Variants in ASB5 observed in about 807,000 individuals in gnomAD.
The protein encoded by ASB5 is ankyrin repeat and SOCS box protein 5.
ASB5 carries 45 observed loss-of-function variants against 42.1 expected under a neutral mutation model. That is an observed-to-expected ratio of 1.07 (90% CI 0.84 to 1.37). The LOEUF (loss-of-function observed/expected upper bound fraction) is 1.37. ASB5 is among the 40% of genes most tolerant of loss of function. The pLI, the probability that ASB5 is intolerant of heterozygous loss-of-function variation, is 0.00. For synonymous variants in ASB5, 147 were observed against 150.6 expected (o/e 0.98, Z 0.18); for missense variants, 402 against 399.8 (o/e 1.01, Z -0.05).
rs534298853 is a variant in ASB5 at position 176,267,522 on chromosome 4, G to A, written c.196+1391C>T. Among the ~76,000 whole-genome samples, 4 of 152,202 alleles carry A rather than the reference G, an allele frequency of 2.6e-5. No individual in the cohort carries two copies. The East Asian group carries it at 7.7e-4, about 29-fold the overall frequency. On this transcript the variant is annotated intron_variant, in intron 1 of 6. Coordinates refer to ENST00000296525, the MANE Select transcript of ASB5 (RefSeq NM_080874.4). Reference sequence around the variant, plus strand: ...CCTAGCTACTTAGGAGGCTAAGGCAGGATGATCCCTTGAGCCTAGGAGTTC... The same window carrying A: ...CCTAGCTACTTAGGAGGCTAAGGCAAGATGATCCCTTGAGCCTAGGAGTTC...
intron 2 of ASB5, among the ~76,000 whole-genome samples, chr4:176,274,709 T>C (rs1754534205): frequency 6.6e-6 from 1 of 152,156 alleles, no homozygotes. Flanking sequence ...AGTATGTCAC[T>C]GGGCCAAAGC....
chr4:176,253,699 C>T (rs913003182), intron 1 of ASB5, among the ~76,000 whole-genome samples: 2 of 152,136 alleles, frequency 1.3e-5, no homozygotes, highest in Non-Finnish European at 2.9e-5. Flanking sequence ...TTTCAGGATA[C>T]AAAATTAATG....
intron 1 of ASB5, among the ~76,000 whole-genome samples, chr4:176,245,053 A>G (rs1186821287): frequency 6.6e-6 from 1 of 152,218 alleles, no homozygotes; most frequent in Non-Finnish European, 1.5e-5. Flanking sequence ...GCTCTTCAGG[A>G]GTTCCCAGAT....
At chr4:176,249,932 A>G (rs1971215) in intron 1 of ASB5, among the ~76,000 whole-genome samples, 101,261 of 150,826 alleles carry the variant, frequency 0.67, 34,195 homozygotes, top group Middle Eastern at 0.72. Context: ...GGGCGTGGTG[A>G]CGGGCGCCTG....
At chr4:176,251,564 T>TAAAAAAAAAA (rs34392287) in intron 1 of ASB5, among the ~76,000 whole-genome samples, 3 of 10,376 alleles carry the variant, frequency 2.9e-4, no homozygotes, top group African/African-American at 1.2e-3. Flanking sequence ...TCTGTCTCAT[T>TAAAAAAAAAA]AAAAAAAAAA....
chr4:176,276,875 A>G (rs1011693884), intron 1 of ASB5, among the ~76,000 whole-genome samples: 1 of 152,184 alleles, frequency 6.6e-6, no homozygotes, highest in Non-Finnish European at 1.5e-5. Context: ...TAAAGCCTCG[A>G]CATTTGCTCT....
At chr4:176,220,253 A>C (rs1320170307) in intron 5 of ASB5, among the ~76,000 whole-genome samples, 1 of 152,110 alleles carries the variant, frequency 6.6e-6, no homozygotes, top group African/African-American at 2.4e-5. Context: ...CATGTCTAAG[A>C]CTGAGTAGGT....
chr4:176,275,989 T>C (rs1209371907), intron 1 of ASB5: 1 of 152,220 alleles, frequency 6.6e-6, no homozygotes, highest in Non-Finnish European at 1.5e-5. Context: ...GTGAAAAGGA[T>C]ACTACATATT....
At chr4:176,234,561 C>T (rs1288652755) in intron 1 of ASB5, among the ~76,000 whole-genome samples, 2 of 152,282 alleles carry the variant, frequency 1.3e-5, no homozygotes, top group Non-Finnish European at 2.9e-5. Context: ...GAATGCTAGA[C>T]CTTAGAAAGC....
At chr4:176,277,015 G>A (rs1023870630) in intron 1 of ASB5, among the ~76,000 whole-genome samples, 2 of 152,146 alleles carry the variant, frequency 1.3e-5, no homozygotes, top group African/African-American at 4.8e-5. Context: ...TGTGAACTCA[G>A]GCAAGTTCCT....
At chr4:176,237,329 T>G (rs192858320) in intron 1 of ASB5, 1 of 985,900 alleles carries the variant, frequency 1.0e-6, no homozygotes, top group East Asian at 1.1e-4. Context: ...AGCTTTTCGT[T>G]TAGAAGAACA....
chr4:176,236,033 TA>T (rs1256408057), intron 1 of ASB5, among the ~76,000 whole-genome samples: 4 of 152,110 alleles, frequency 2.6e-5, no homozygotes, highest in Admixed American at 6.5e-5. Flanking sequence ...TCAGTATATT[TA>T]AGGCATGTCG....
chr4:176,250,033 C>G (rs1053651750), intron 1 of ASB5, among the ~76,000 whole-genome samples: 5 of 150,064 alleles, frequency 3.3e-5, no homozygotes, highest in Admixed American at 3.3e-4. Context: ...CCACTGCACT[C>G]CAGCCTGGGT....
intron 1 of ASB5, among the ~76,000 whole-genome samples, chr4:176,242,818 C>T (rs1753836656): frequency 6.6e-6 from 1 of 152,058 alleles, no homozygotes; most frequent in South Asian, 2.1e-4. Context: ...CTATGAGTTA[C>T]TTTAAAATAT....
chr4:176,262,095 T>G (rs1215805287), intron 1 of ASB5, among the ~76,000 whole-genome samples: 1 of 151,912 alleles, frequency 6.6e-6, no homozygotes, highest in Non-Finnish European at 1.5e-5. Context: ...ATAAGAAAAA[T>G]AGCTTATTTT....
intron 5 of ASB5, among the ~76,000 whole-genome samples, chr4:176,220,527 C>T (rs1051484275): frequency 3.9e-5 from 6 of 152,062 alleles, no homozygotes; most frequent in African/African-American, 1.4e-4. Flanking sequence ...TGATCCAAAT[C>T]GTAAGGGGAC....
At chr4:176,270,482 AT>A (rs2126981412), upstream of ASB5, among the ~76,000 whole-genome samples, 2 of 152,310 alleles carry the variant, frequency 1.3e-5, no homozygotes, top group South Asian at 4.1e-4. Flanking sequence ...AATATGTCAA[AT>A]AAAGCAGGCT....
At chr4:176,231,834 G>A (rs1344108052) in intron 1 of ASB5, among the ~76,000 whole-genome samples, 1 of 75,714 alleles carries the variant, frequency 1.3e-5, no homozygotes, top group African/African-American at 5.0e-5. Flanking sequence ...AACAGAGTGA[G>A]ACTCTGTCTC....
In ASB5 at chr4:176,237,688, C is replaced by CT; in HGVS notation, c.197-12348dup. 3 of 623,570 alleles carry CT rather than the reference C, an allele frequency of 4.8e-6. No individual in the cohort carries two copies. The South Asian group carries it at 2.1e-4, about 44-fold the overall frequency. 38.6% of individuals were successfully genotyped at this position (623,570 alleles called of 1,614,324 possible). A position where few individuals can be genotyped will look rare whatever the true frequency, so the allele number is the denominator to read the frequency against. ...GCAGAGACATGCTGCAGCCGGAAGT[C>CT]TTTAACTATTTGTGTGATATAGAAA... On this transcript the variant is annotated intron_variant, in intron 1 of 6. Transcript: ENST00000296525.
Sources: gnomAD v4.1 joint callset for allele counts (sites outside exome capture counted in the v4.1 genomes callset) on GRCh38, gnomAD v4.1.1 for gene constraint, MANE v1.5 for transcripts, NCBI Gene and HGNC (gene_info 2026-07-23, HGNC 2026-07-21) for gene names.